CNTN5: variants seen among roughly 807,000 people sequenced by gnomAD.
The protein encoded by CNTN5 is contactin 5.
CNTN5 carries 77 observed loss-of-function variants against 129.1 expected under a neutral mutation model. The observed-to-expected ratio is 0.60, with a 90% CI of 0.50 to 0.72. The LOEUF (loss-of-function observed/expected upper bound fraction) is 0.72. Ranked by LOEUF, CNTN5 falls within the 30% of genes least tolerant of loss-of-function variation. The pLI, the probability that CNTN5 is intolerant of heterozygous loss-of-function variation, is 0.00. For missense variants in CNTN5, 1,478 were observed against 1,328.8 expected (o/e 1.11, Z -1.75); for synonymous variants, 509 against 465.6 (o/e 1.09, Z -1.20).
intron 3 of CNTN5, among the ~76,000 whole-genome samples, chr11:99,597,227 G>A (rs1297810402): frequency 6.6e-6 from 1 of 152,014 alleles, no homozygotes; most frequent in Non-Finnish European, 1.5e-5. Flanking sequence ...TATAAAGCTG[G>A]AGTCTCACGG....
chr11:100,313,712 G>A (rs1444268831), intron 21 of CNTN5, among the ~76,000 whole-genome samples: 1 of 151,488 alleles, frequency 6.6e-6, no homozygotes, highest in African/African-American at 2.4e-5. Flanking sequence ...GAAGAGGAGA[G>A]AACAAGAGCA....
chr11:100,356,024 T>G, intron 24 of CNTN5, 93 bp from the exon 25 acceptor site: 1 of 769,188 alleles, frequency 1.3e-6, no homozygotes. Flanking sequence ...GGAGCGATCT[T>G]GCACTCATTA....
chr11:99,637,421 C>A (rs1478545203), intron 3 of CNTN5, among the ~76,000 whole-genome samples: 2 of 152,106 alleles, frequency 1.3e-5, no homozygotes, highest in Admixed American at 1.3e-4. Context: ...TAAGCAAACA[C>A]ATCACATGGC....
chr11:99,071,125 T>C (rs976884880), intron 1 of CNTN5, among the ~76,000 whole-genome samples: 2 of 152,080 alleles, frequency 1.3e-5, no homozygotes, highest in Non-Finnish European at 2.9e-5. Context: ...ATATTCATGA[T>C]CTCATTACCA....
intron 18 of CNTN5, among the ~76,000 whole-genome samples, chr11:100,279,422 GT>G (rs1950583238): frequency 6.6e-6 from 1 of 152,046 alleles, no homozygotes; most frequent in South Asian, 2.1e-4. Flanking sequence ...GAATTCAGCA[GT>G]GAAGCCATTG....
chr11:99,049,992 G>C (rs1022743025), intron 1 of CNTN5: 2 of 152,046 alleles, frequency 1.3e-5, no homozygotes, highest in Non-Finnish European at 2.9e-5. Flanking sequence ...TGTGAATCTA[G>C]TTGATGGTGA....
intron 4 of CNTN5, among the ~76,000 whole-genome samples, chr11:99,824,083 G>T (rs563812865): frequency 6.6e-6 from 1 of 151,884 alleles, no homozygotes; most frequent in Non-Finnish European, 1.5e-5. Flanking sequence ...AAATATTTAG[G>T]TTGTTTTAAT....
intron 2 of CNTN5, among the ~76,000 whole-genome samples, chr11:99,506,530 G>C (rs112972120): frequency 0.016 from 2,364 of 152,014 alleles, 58 homozygotes; most frequent in African/African-American, 0.054. Context: ...TAGACGATTT[G>C]CGCCTTGAAA....
intron 1 of CNTN5, among the ~76,000 whole-genome samples, chr11:99,031,677 C>A (rs1181004910): frequency 6.6e-6 from 1 of 151,652 alleles, no homozygotes; most frequent in Non-Finnish European, 1.5e-5. Flanking sequence ...TCACCTGAAA[C>A]AAAGGTGTCT....
intron 2 of CNTN5, among the ~76,000 whole-genome samples, chr11:99,327,095 A>G (rs1392686121): frequency 6.6e-6 from 1 of 152,140 alleles, no homozygotes; most frequent in Non-Finnish European, 1.5e-5. Context: ...TGTGACTACT[A>G]GAGATAAATT....
chr11:99,262,883 A>G (rs1862707230), intron 1 of CNTN5, among the ~76,000 whole-genome samples: 1 of 152,012 alleles, frequency 6.6e-6, no homozygotes. Context: ...GAGCTACTTT[A>G]CTGTTGATTC....
intron 18 of CNTN5, among the ~76,000 whole-genome samples, chr11:100,274,284 G>T (rs1950461765): frequency 1.3e-5 from 2 of 152,088 alleles, no homozygotes; most frequent in South Asian, 4.1e-4. Flanking sequence ...AAACAACCTA[G>T]GTAATACTGT....
rs544520101 is a variant in CNTN5, at chr11:100,284,531, C to G, written c.2315-13094C>G. 3.3e-5 allele frequency among the ~76,000 whole-genome samples: 5 copies of G among 152,198 alleles called. No homozygotes were observed. The East Asian group carries it at 9.7e-4, about 29-fold the overall frequency. On this transcript the variant is annotated intron_variant, in intron 18 of 24. Coordinates refer to ENST00000524871, the MANE Select transcript of CNTN5 (RefSeq NM_014361.4). ...AGATGACACTCAGGACAAAAAAAAT[C>G]ACATTTGGGGAAATGAATCTGAAAT...
At chr11:99,846,088 C>T (rs1947684402) in intron 6 of CNTN5, among the ~76,000 whole-genome samples, 1 of 149,432 alleles carries the variant, frequency 6.7e-6, no homozygotes. Flanking sequence ...TCCCAGTTTT[C>T]GTATTGCAAA....
At chr11:99,548,349 A>C (rs541521807) in intron 2 of CNTN5, among the ~76,000 whole-genome samples, 1 of 152,344 alleles carries the variant, frequency 6.6e-6, no homozygotes, top group African/African-American at 2.4e-5. Flanking sequence ...AAAGAGGTTC[A>C]GAGAGCTCTT....
At chr11:99,088,470 A>C (rs187964589) in intron 1 of CNTN5, among the ~76,000 whole-genome samples, 1 of 152,290 alleles carries the variant, frequency 6.6e-6, no homozygotes, top group Admixed American at 6.5e-5. Context: ...ATGACCAAAA[A>C]ATTAAAAGTA....
chr11:100,149,573 C>CA lies in CNTN5; in HGVS notation c.1581-41551dup, dbSNP rs1217243948. Among the ~76,000 whole-genome samples the CA allele has an allele frequency of 1.2e-4, 19 of 152,152 alleles. No homozygotes were observed. In the East Asian group the frequency reaches 3.5e-3, roughly 28 times the overall value. ...ATAAAATATACATTTGGGTGTAGCACAATGTCATGGCACAAATGATATTAG... is the reference window on the plus strand; with the variant it reads ...ATAAAATATACATTTGGGTGTAGCACAAATGTCATGGCACAAATGATATTAG... On this transcript the variant is annotated intron_variant, in intron 13 of 24. Coordinates refer to ENST00000524871, the MANE Select transcript of CNTN5 (RefSeq NM_014361.4).
chr11:99,921,688 G>T (rs1451866216), intron 7 of CNTN5, among the ~76,000 whole-genome samples: 1 of 152,068 alleles, frequency 6.6e-6, no homozygotes, highest in Non-Finnish European at 1.5e-5. Context: ...CATAAATTCT[G>T]CAGGTTTTGT....
intron 8 of CNTN5, among the ~76,000 whole-genome samples, chr11:99,965,543 G>A (rs1442556303): frequency 6.6e-6 from 1 of 152,094 alleles, no homozygotes; most frequent in African/African-American, 2.4e-5. Flanking sequence ...TATAATTTCT[G>A]TTCTTTTGCA....
Sources: allele counts gnomAD v4.1 joint callset (sites outside exome capture counted in the v4.1 genomes callset), GRCh38; gene constraint gnomAD v4.1.1; transcripts MANE v1.5; gene names NCBI Gene and HGNC (gene_info 2026-07-23, HGNC 2026-07-21).